Variants in ELMO2 observed in about 807,000 individuals in gnomAD.
ELMO2 encodes the protein engulfment and cell motility 2.
A neutral mutation model predicts 96.2 loss-of-function variants in ELMO2; 37 were observed. That is an observed-to-expected ratio of 0.38 (90% CI 0.30 to 0.51). The LOEUF (loss-of-function observed/expected upper bound fraction) is 0.51. Ranked by LOEUF, ELMO2 falls within the 20% of genes least tolerant of loss-of-function variation. The probability of loss-of-function intolerance (pLI) is 0.88; values close to 1 mark genes in which losing one functional copy is unlikely to be tolerated. For missense variants in ELMO2, 561 were observed against 912.6 expected, an observed-to-expected ratio of 0.61 and a Z score of 4.96; for synonymous variants, 315 against 329.4, an observed-to-expected ratio of 0.96 and a Z score of 0.47.
chr20:46,378,702 T>C (rs936016179), intron 11 of ELMO2, among the ~76,000 whole-genome samples: 2 of 152,246 alleles, frequency 1.3e-5, no homozygotes, highest in Admixed American at 1.3e-4. Flanking sequence ...CAGAGCTTAC[T>C]TCTTCAATCC....
Position 46,368,937 on chromosome 20 carries a change from T to C in ELMO2, c.1916A>G (p.Tyr639Cys). Residue 639 changes from tyrosine to cysteine, a missense_variant, in exon 21 of 22, where the codon TAT becomes TGT. Physicochemically the swap from Tyr to Cys is radical, Grantham distance 194. Transcript: ENST00000290246. ...GAAGTTTAAGGTCTCATCAGGGTCA[T>C]ACAGGATGGAGAAGGCCAATTCCAA... is the stretch of plus-strand genomic sequence containing the variant. ...EVLELAFSIL[Y>C]DPDETLNFIA... 2 of 1,614,206 alleles carry C rather than the reference T, an allele frequency of 1.2e-6. No homozygotes were observed. The highest frequency in any genetic ancestry group is 1.7e-6 in the Non-Finnish European group (2 of 1,180,010).
chr20:46,386,173 T>G lies in ELMO2; in HGVS notation c.628A>C (p.Lys210Gln). Residue 210 changes from lysine (K) to glutamine (Q), a missense_variant, in exon 9 of 22, where the codon AAG becomes CAG. Transcript: ENST00000290246. Reference protein sequence around the residue: ...MVLNSQSLYQKIAEEITVGQL... With the variant: ...MVLNSQSLYQQIAEEITVGQL... ...CCCACGGTGATTTCCTCGGCTATCT[T>G]CTGGTACAGACTCTGGCTGTTCAAG... The G allele has an allele frequency of 6.2e-7, 1 of 1,614,154 alleles. No homozygotes were observed.
Position 46,371,113 on chromosome 20 carries a change from G to A in ELMO2, c.1801+239C>T, listed in dbSNP as rs530760518. Reference sequence around the variant, plus strand: ...CTTCTCCTCTTAACTACTGCCTTTCGACTTAGTCATGTACCACCCTTTACA... The same window carrying A: ...CTTCTCCTCTTAACTACTGCCTTTCAACTTAGTCATGTACCACCCTTTACA... On this transcript the variant is annotated intron_variant, in intron 19 of 21. Transcript: ENST00000290246. The surrounding 1 kb of genome is among the most constrained non-coding windows in gnomAD (Gnocchi z 5.9). 6.6e-6 allele frequency among the ~76,000 whole-genome samples: 1 copy of A among 152,126 alleles called. No individual in the cohort carries two copies. The highest frequency in any genetic ancestry group is 1.5e-5 in the Non-Finnish European group (1 of 68,038).
Position 46,375,235 on chromosome 20 carries a change from C to G in ELMO2, c.1065+1G>C. 6.2e-7 allele frequency: 1 copy of G among 1,613,558 alleles called. No homozygotes were observed. Among genetic ancestry groups the G allele is most frequent in the Non-Finnish European group, 8.5e-7 (1 of 1,179,924 alleles). On this transcript the variant is annotated splice_donor_variant, in intron 13 of 21. Transcript: ENST00000290246. LOFTEE classifies it high-confidence loss of function. The surrounding 1 kb of genome is among the most constrained non-coding windows in gnomAD (Gnocchi z 4.6). The stretch of plus-strand genomic sequence containing the variant: ...CACCGTCTATGCTCTGAGGTACTTA[C>G]GGTAAATCCCAGCATTTTGTAGTCC...
In ELMO2 at chr20:46,371,275, T is replaced by C. The variant is rs1370741420; in HGVS notation, c.1801+77A>G. The C allele has an allele frequency of 6.3e-6, 9 of 1,431,854 alleles. 1 individual carries two copies. The highest frequency in any genetic ancestry group is 3.6e-5 in the South Asian group (3 of 83,662). The allele number at this position is 1,431,854 out of a possible 1,614,324, so 88.7% of individuals were successfully genotyped here. On this transcript the variant is annotated intron_variant, in intron 19 of 21. Transcript: ENST00000290246. The surrounding 1 kb of genome is among the most constrained non-coding windows in gnomAD (Gnocchi z 5.9). The stretch of plus-strand genomic sequence containing the variant: ...ACAGGTACAAGCCCAGATGATCAGC[T>C]ACAAACAGCTGGACTAGAACTCCTG...
chr20:46,376,749 C>G, intron 11 of ELMO2: 1 of 1,289,436 alleles, frequency 7.8e-7, no homozygotes, highest in Non-Finnish European at 1.0e-6. Context: ...CCAAATGAGG[C>G]TCTCCTCCAT....
intron 10 of ELMO2, among the ~76,000 whole-genome samples, chr20:46,381,025 G>A (rs1166774933): frequency 6.6e-6 from 1 of 152,128 alleles, no homozygotes; most frequent in East Asian, 1.9e-4. Flanking sequence ...CCATTCTTAT[G>A]CAAATCTTTT....
chr20:46,393,777 G>A (rs2060198329), intron 4 of ELMO2, among the ~76,000 whole-genome samples, 176 bp from the exon 5 acceptor site: 1 of 152,176 alleles, frequency 6.6e-6, no homozygotes, highest in Admixed American at 6.5e-5. Context: ...TTGTAAAGAT[G>A]AGCACCACAA....
rs1470003468 is a variant in ELMO2, at chr20:46,371,724, G to A, written c.1581-33C>T. 2 of 1,613,786 alleles carry A rather than the reference G, an allele frequency of 1.2e-6. No individual in the cohort carries two copies. The highest frequency in any genetic ancestry group is 1.7e-6 in the Non-Finnish European group (2 of 1,179,916). ...GGACACACACTGGAGTGAGCGGAAG[G>A]TCATGGGGACAGTGGAGCTCTGGAA... On this transcript the variant is annotated intron_variant, in intron 17 of 21. Transcript: ENST00000290246. The surrounding 1 kb of genome is among the most constrained non-coding windows in gnomAD (Gnocchi z 5.9).
chr20:46,377,746 G>A (rs967936027), intron 11 of ELMO2, among the ~76,000 whole-genome samples: 1 of 152,104 alleles, frequency 6.6e-6, no homozygotes, highest in Non-Finnish European at 1.5e-5. Flanking sequence ...TCACAGGCAC[G>A]CCCTCTGTCT....
intron 20 of ELMO2, chr20:46,369,875 T>A (rs1440085061): frequency 4.9e-5 from 2 of 40,790 alleles, no homozygotes; most frequent in Non-Finnish European, 3.8e-5. Context: ...GAAAAGATGG[T>A]GGGGGATGGG....
Position 46,375,801 on chromosome 20 carries a change from C to T in ELMO2, c.808-11G>A. On this transcript the variant is annotated splice_polypyrimidine_tract_variant and intron_variant, in intron 11 of 21. Transcript: ENST00000290246. The surrounding 1 kb of genome is among the most constrained non-coding windows in gnomAD (Gnocchi z 4.6). ...CCCTCGGATCACATGCTAGAAAAAG[C>T]ACAGGCAGGGAGCAGGGGACTGAAC... is the stretch of plus-strand genomic sequence containing the variant. 6.2e-7 allele frequency: 1 copy of T among 1,614,078 alleles called. No individual in the cohort carries two copies. Among genetic ancestry groups the T allele is most frequent in the Non-Finnish European group, 8.5e-7 (1 of 1,179,970 alleles).
intron 16 of ELMO2, 110 bp downstream of exon 16, chr20:46,373,289 G>C: frequency 6.7e-7 from 1 of 1,485,474 alleles, no homozygotes; most frequent in Non-Finnish European, 9.2e-7. Flanking sequence ...CAGTTCTGCA[G>C]ACCAAGCTGC....
intron 19 of ELMO2, among the ~76,000 whole-genome samples, chr20:46,370,825 C>T (rs1327060687): frequency 6.6e-6 from 1 of 152,174 alleles, no homozygotes; most frequent in African/African-American, 2.4e-5. Context: ...CCCTTCCCCT[C>T]TCCTTCACAA....
At chr20:46,383,625 T>C in intron 9 of ELMO2, 131 bp from the exon 10 acceptor site, 1 of 882,526 alleles carries the variant, frequency 1.1e-6, no homozygotes, top group East Asian at 2.5e-5. Flanking sequence ...CTCAAAAGCA[T>C]TCAAAGTGGG....
intron 11 of ELMO2, among the ~76,000 whole-genome samples, chr20:46,379,708 G>A (rs2059922416): frequency 6.6e-6 from 1 of 152,030 alleles, no homozygotes; most frequent in African/African-American, 2.4e-5. Flanking sequence ...TCCTCTAAGG[G>A]TCACCTGAAG....
Position 46,386,135 on chromosome 20 carries a change from T to G in ELMO2, c.666A>C (p.Ser222=). 1 of 1,613,808 alleles carries G rather than the reference T, an allele frequency of 6.2e-7. No individual in the cohort carries two copies. Among genetic ancestry groups the G allele is most frequent in the Non-Finnish European group, 8.5e-7 (1 of 1,179,844 alleles). Residue 222 remains serine, a synonymous_variant, in exon 9 of 22, where the codon TCA becomes TCC. Transcript: ENST00000290246. ...AEEITVGQLI[S]HLQVSNQEIQ... ...GGTTTTTTACTCACACCTGGAGGTG[T>G]GAGATGAGCTGTCCCACGGTGATTT...
At chr20:46,384,882 C>T (rs539652321) in intron 9 of ELMO2, among the ~76,000 whole-genome samples, 61 of 151,532 alleles carry the variant, frequency 4.0e-4, no homozygotes, top group Middle Eastern at 3.5e-3. Flanking sequence ...TGGGGAGGAT[C>T]GCTTGAGCCT....
At chr20:46,383,331 G>A in intron 10 of ELMO2, 85 bp downstream of exon 10, 1 of 1,358,178 alleles carries the variant, frequency 7.4e-7, no homozygotes, top group South Asian at 1.2e-5. Context: ...TGCTGGATTT[G>A]TGCTCTCTGC....
Sources: gnomAD v4.1 joint callset for allele counts (sites outside exome capture counted in the v4.1 genomes callset) on GRCh38, gnomAD v4.1.1 for gene constraint, Gnocchi (gnomAD v3.1) non-coding constraint, MANE v1.5 for transcripts, NCBI Gene and HGNC (gene_info 2026-07-23, HGNC 2026-07-21) for gene names.